PEPD: variants seen among roughly 807,000 people sequenced by gnomAD.
The protein encoded by PEPD is peptidase D, also known as xaa-Pro dipeptidase.
PEPD carries 53 observed loss-of-function variants against 60.7 expected under a neutral mutation model. That is an observed-to-expected ratio of 0.87 (90% CI 0.70 to 1.10). The LOEUF is 1.10. PEPD is among the 50% of genes least tolerant of loss of function. The pLI is 0.00. For synonymous variants in PEPD, 267 were observed against 284.1 expected (o/e 0.94, Z 0.60); for missense variants, 711 against 711.9 (o/e 1.00, Z 0.01).
chr19:33,399,388 C>T (rs541177984), intron 12 of PEPD, among the ~76,000 whole-genome samples: 1 of 152,350 alleles, frequency 6.6e-6, no homozygotes, highest in East Asian at 1.9e-4. Flanking sequence ...AGCTTATTGA[C>T]TTTTGGATTT....
chr19:33,395,747 A>G (rs1968345129), intron 12 of PEPD, among the ~76,000 whole-genome samples: 1 of 152,222 alleles, frequency 6.6e-6, no homozygotes, highest in Admixed American at 6.5e-5. Flanking sequence ...GCATCCTCAG[A>G]GCTGCCTCCA....
At chr19:33,457,689 T>G (rs143242660) in intron 9 of PEPD, among the ~76,000 whole-genome samples, 2,323 of 152,298 alleles carry the variant, frequency 0.015, 14 homozygotes, top group Middle Eastern at 0.027. Context: ...TTTTTGTATT[T>G]TTAGTAGAGA....
chr19:33,463,789 T>C (rs1969971577), intron 8 of PEPD, among the ~76,000 whole-genome samples, 198 bp downstream of exon 8: 1 of 152,332 alleles, frequency 6.6e-6, no homozygotes, highest in South Asian at 2.1e-4. Context: ...AGCTGAGGAA[T>C]TGGGGCAGAG....
intron 13 of PEPD, chr19:33,388,440 G>A: frequency 4.4e-6 from 2 of 459,048 alleles, no homozygotes; most frequent in Non-Finnish European, 8.1e-6. Context: ...AGGAGTGGCA[G>A]ATGCCAAACC....
chr19:33,480,813 C>CGTGTGTGT (rs67751032), intron 6 of PEPD, among the ~76,000 whole-genome samples: 31 of 127,834 alleles, frequency 2.4e-4, no homozygotes, highest in Middle Eastern at 3.7e-3. Context: ...ATATATATAG[C>CGTGTGTGT]GTGTGTGTGT....
In PEPD at chr19:33,490,066, A is replaced by G. The variant is rs1970469830; in HGVS notation, c.442-9T>C. 1.2e-6 allele frequency: 2 copies of G among 1,608,086 alleles called. No individual in the cohort carries two copies. ...TCCGTGTTGACGCCACGCTGGGGAGAGAGAACACAGACATGACACACGGGG... is the reference window on the plus strand; with the variant it reads ...TCCGTGTTGACGCCACGCTGGGGAGGGAGAACACAGACATGACACACGGGG... On this transcript the variant is annotated splice_polypyrimidine_tract_variant and intron_variant, in intron 5 of 14. Coordinates refer to ENST00000244137, the MANE Select transcript of PEPD (RefSeq NM_000285.4).
chr19:33,412,921 T>C (rs1432217540), intron 10 of PEPD, among the ~76,000 whole-genome samples: 2 of 152,216 alleles, frequency 1.3e-5, no homozygotes, highest in Non-Finnish European at 2.9e-5. Context: ...CACATGCCGC[T>C]GTGCATGGCC....
intron 7 of PEPD, among the ~76,000 whole-genome samples, chr19:33,468,763 C>T (rs1970066822): frequency 6.6e-6 from 1 of 152,174 alleles, no homozygotes; most frequent in Non-Finnish European, 1.5e-5. Flanking sequence ...ACCCACAAGC[C>T]CAGGGAGACT....
At chr19:33,471,707 G>A (rs1970123395) in intron 7 of PEPD, among the ~76,000 whole-genome samples, 1 of 152,228 alleles carries the variant, frequency 6.6e-6, no homozygotes, top group Non-Finnish European at 1.5e-5. Context: ...TGACAAAGAT[G>A]CCACCTAAGA....
At position 33,446,874 on chromosome 19, in the gene PEPD, C is replaced by T. The variant is rs144276676; in HGVS notation, c.671+16121G>A. ...TCTCCACAGCCATCAGCAGGCCCCA[C>T]GAAGGGCATCTAGCCCCTCTTATCT... On this transcript the variant is annotated intron_variant, in intron 9 of 14. Coordinates refer to ENST00000244137, the MANE Select transcript of PEPD (RefSeq NM_000285.4). 2.8e-3 allele frequency among the ~76,000 whole-genome samples: 420 copies of T among 152,342 alleles called. 1 individual carries two copies. The highest frequency in any genetic ancestry group is 9.7e-3 in the African/African-American group (403 of 41,586).
chr19:33,521,708 G>C (rs779064716), intron 1 of PEPD, 36 bp downstream of exon 1: 1 of 1,572,312 alleles, frequency 6.4e-7, no homozygotes, highest in East Asian at 2.3e-5. Context: ...CCCTCTCCAC[G>C]CCAGCGGGAA....
rs376163916 is a variant in PEPD at position 33,497,934 on chromosome 19, C to T, written c.393+3004G>A. Among the ~76,000 whole-genome samples, 62 of 152,254 alleles carry T rather than the reference C, an allele frequency of 4.1e-4. No homozygotes were observed. The East Asian group carries it at 8.5e-3, about 21-fold the overall frequency. Reference sequence around the variant, plus strand: ...GGAGGCCTGGAGGGGAGGCCCCTGGCGTCACATCCCAGTACCACTCCCCTC... The same window carrying T: ...GGAGGCCTGGAGGGGAGGCCCCTGGTGTCACATCCCAGTACCACTCCCCTC... On this transcript the variant is annotated intron_variant, in intron 4 of 14. Coordinates refer to ENST00000244137, the MANE Select transcript of PEPD (RefSeq NM_000285.4).
chr19:33,470,291 T>C (rs1344794195), intron 7 of PEPD, among the ~76,000 whole-genome samples: 2 of 152,114 alleles, frequency 1.3e-5, no homozygotes, highest in Non-Finnish European at 2.9e-5. Context: ...CTTATCAGGC[T>C]TCCCCTCGTT....
chr19:33,515,463 C>T (rs1171310353), intron 1 of PEPD, among the ~76,000 whole-genome samples: 8 of 152,100 alleles, frequency 5.3e-5, no homozygotes, highest in Non-Finnish European at 5.9e-5. Flanking sequence ...AGAGGGAAGT[C>T]GGTGAGAGTT....
chr19:33,494,052 C>T lies in PEPD; in HGVS notation c.394-715G>A, dbSNP rs78873537. On this transcript the variant is annotated intron_variant, in intron 4 of 14. Transcript: ENST00000244137. The stretch of plus-strand genomic sequence containing the variant: ...CCAGCCCCCTGGGCAGGTTCGTTCA[C>T]TCCCTCCTCTACTGCCCCACTGACA... 8.5e-5 allele frequency among the ~76,000 whole-genome samples: 13 copies of T among 152,280 alleles called. No individual in the cohort carries two copies. The East Asian group carries it at 2.3e-3, about 27-fold the overall frequency.
intron 1 of PEPD, among the ~76,000 whole-genome samples, chr19:33,520,964 T>G (rs1038428553): frequency 1.3e-5 from 2 of 152,214 alleles, no homozygotes; most frequent in East Asian, 1.9e-4. Flanking sequence ...GCCCCAGGCA[T>G]GCACCCCTGT....
Position 33,464,032 on chromosome 19 carries a change from C to A in PEPD, c.579G>T (p.Glu193Asp). Reference sequence around the variant, plus strand: ...AGATTTTATTGGTATAGCGCAGAACCTCCAGCTCCATATCCGTCTTAAACA... The same window carrying A: ...AGATTTTATTGGTATAGCGCAGAACATCCAGCTCCATATCCGTCTTAAACA... ...CRVFKTDMEL[E>D]VLRYTNKISS... is the part of the protein sequence containing the mutation. The change falls in exon 8 of 15, where the codon GAG becomes GAT. Residue 193 changes from glutamate to aspartate, a missense_variant. Transcript: ENST00000244137. The A allele has an allele frequency of 1.9e-6, 3 of 1,613,552 alleles. No homozygotes were observed. Among genetic ancestry groups the A allele is most frequent in the Non-Finnish European group, 2.5e-6 (3 of 1,179,578 alleles).
intron 7 of PEPD, among the ~76,000 whole-genome samples, chr19:33,467,133 G>C (rs1970034281): frequency 6.7e-6 from 1 of 149,794 alleles, no homozygotes; most frequent in Admixed American, 6.7e-5. Context: ...CTCCAGCCTG[G>C]GTGACAGAGC....
intron 12 of PEPD, among the ~76,000 whole-genome samples, chr19:33,391,853 G>A (rs1968229806): frequency 6.6e-6 from 1 of 152,224 alleles, no homozygotes; most frequent in Non-Finnish European, 1.5e-5. Flanking sequence ...GGCACCAGGA[G>A]AAACATGCAC....
Sources: gnomAD v4.1 joint callset for allele counts (sites outside exome capture counted in the v4.1 genomes callset) on GRCh38, gnomAD v4.1.1 for gene constraint, MANE v1.5 for transcripts, NCBI Gene and HGNC (gene_info 2026-07-23, HGNC 2026-07-21) for gene names.